The following CAMTA1 variants were observed in gnomAD, a reference collection of about 807,000 sequenced individuals.
CAMTA1 encodes the protein calmodulin binding transcription activator 1.
Under a neutral mutation model 170.9 loss-of-function variants are expected in CAMTA1, and 27 were observed. The observed-to-expected ratio is 0.16, with a 90% CI of 0.12 to 0.22. The LOEUF is 0.22. Among genes scored for constraint, CAMTA1 ranks in the 10% least tolerant of loss-of-function variants. The pLI, the probability that CAMTA1 is intolerant of heterozygous loss-of-function variation, is 1.00. For missense variants in CAMTA1, 1,619 were observed against 2,217.2 expected, an observed-to-expected ratio of 0.73 and a Z score of 5.42; for synonymous variants, 833 against 891.5, an observed-to-expected ratio of 0.93 and a Z score of 1.17.
intron 5 of CAMTA1, among the ~76,000 whole-genome samples, chr1:7,354,825 G>T (rs1471129131): frequency 6.6e-6 from 1 of 152,166 alleles, no homozygotes; most frequent in Non-Finnish European, 1.5e-5. Flanking sequence ...GAGTGATGGT[G>T]AGCATTTTTT....
At chr1:6,953,620 C>T (rs1688901052) in intron 3 of CAMTA1, among the ~76,000 whole-genome samples, 1 of 152,262 alleles carries the variant, frequency 6.6e-6, no homozygotes, top group Non-Finnish European at 1.5e-5. Context: ...CTTTTCTTAC[C>T]TCCTTGTCAC....
At chr1:6,853,107 T>G (rs1412265157) in intron 3 of CAMTA1, 1 of 152,210 alleles carries the variant, frequency 6.6e-6, no homozygotes, top group Non-Finnish European at 1.5e-5. Context: ...GAAAGATTGG[T>G]CTTTGGCAGA....
intron 11 of CAMTA1, among the ~76,000 whole-genome samples, chr1:7,697,960 G>A (rs1466578507): frequency 2.7e-4 from 41 of 151,950 alleles, no homozygotes; most frequent in Non-Finnish European, 1.5e-5. Flanking sequence ...CCGTGGGTTG[G>A]CCAAGCTCAC....
At chr1:7,487,661 G>A (rs968661839) in intron 6 of CAMTA1, among the ~76,000 whole-genome samples, 10 of 152,152 alleles carry the variant, frequency 6.6e-5, no homozygotes, top group South Asian at 4.1e-4. Flanking sequence ...CTCTGGTCCC[G>A]CACAGGGCCT....
chr1:7,706,873 A>G (rs886821261), intron 11 of CAMTA1, among the ~76,000 whole-genome samples: 18 of 139,908 alleles, frequency 1.3e-4, no homozygotes, highest in Admixed American at 7.7e-5. Flanking sequence ...CGGATGCATT[A>G]TTTCAGGCTA....
intron 4 of CAMTA1, among the ~76,000 whole-genome samples, chr1:7,117,482 A>T (rs74051127): frequency 6.6e-6 from 1 of 152,076 alleles, no homozygotes; most frequent in South Asian, 2.1e-4. Flanking sequence ...GGTGGGGAGA[A>T]GGGTTGCTAT....
rs561151201 is a variant in CAMTA1 at position 7,146,739 on chromosome 1, A to G, written c.302+55368A>G. ...GCGTATTGCACACACACAAACACAC[A>G]CTCAAACATAAACCATGCACACACA... On this transcript the variant is annotated intron_variant, in intron 4 of 22. Coordinates refer to ENST00000303635, the MANE Select transcript of CAMTA1 (RefSeq NM_015215.4). This position sits in a 1 kb window ranked among gnomAD's most constrained non-coding sequence, Gnocchi z 4.3. Among the ~76,000 whole-genome samples, 1 of 151,962 alleles carries G rather than the reference A, an allele frequency of 6.6e-6. No individual in the cohort carries two copies. The highest frequency in any genetic ancestry group is 1.5e-5 in the Non-Finnish European group (1 of 67,976).
intron 5 of CAMTA1, among the ~76,000 whole-genome samples, chr1:7,301,783 G>T (rs1470519152): frequency 6.6e-6 from 1 of 152,218 alleles, no homozygotes; most frequent in Non-Finnish European, 1.5e-5. Context: ...CTCGAGGGCA[G>T]CCTGGCCTCC....
intron 6 of CAMTA1, among the ~76,000 whole-genome samples, chr1:7,506,519 A>C (rs1055028707): frequency 1.3e-5 from 2 of 151,972 alleles, no homozygotes; most frequent in African/African-American, 4.8e-5. Flanking sequence ...AATTCACACT[A>C]ACATCTCATA....
chr1:7,089,727 C>G (rs747693266), intron 3 of CAMTA1, among the ~76,000 whole-genome samples: 1 of 152,110 alleles, frequency 6.6e-6, no homozygotes, highest in Non-Finnish European at 1.5e-5. Context: ...TCTGAGTAAA[C>G]AAGCAATTAG....
intron 4 of CAMTA1, among the ~76,000 whole-genome samples, chr1:7,136,843 C>T (rs1260788462): frequency 1.3e-5 from 2 of 152,190 alleles, no homozygotes; most frequent in Non-Finnish European, 2.9e-5. Context: ...TCCTGCTAAC[C>T]CCTTAAGGCT....
intron 4 of CAMTA1, among the ~76,000 whole-genome samples, chr1:7,218,951 T>C (rs1660238122): frequency 6.6e-6 from 1 of 152,178 alleles, no homozygotes; most frequent in African/African-American, 2.4e-5. Context: ...TATCATTACC[T>C]TGGCGACCTG....
chr1:6,899,775 A>C (rs1676531955), intron 3 of CAMTA1, among the ~76,000 whole-genome samples: 1 of 152,328 alleles, frequency 6.6e-6, no homozygotes, highest in African/African-American at 2.4e-5. Flanking sequence ...AATGGAAGAA[A>C]ATCACGTGGT....
In CAMTA1 at chr1:7,759,253, TCAG is replaced by T. The variant is rs1253197987; in HGVS notation, c.4989+3586_4989+3588del. On this transcript the variant is annotated intron_variant, in intron 22 of 22. Transcript: ENST00000303635. ...ACTAATACTGACCCAAACTCCTACGTCAGTGGAGCAGGGGGAGATCTAAAAAGG... is the reference window on the plus strand; with the variant it reads ...ACTAATACTGACCCAAACTCCTACGTTGGAGCAGGGGGAGATCTAAAAAGG... 2.2e-4 allele frequency among the ~76,000 whole-genome samples: 34 copies of T among 152,264 alleles called. No individual in the cohort carries two copies. In the East Asian group the frequency reaches 3.5e-3, roughly 16 times the overall value.
At chr1:7,459,765 CT>C (rs2093039941) in intron 5 of CAMTA1, among the ~76,000 whole-genome samples, 1 of 152,250 alleles carries the variant, frequency 6.6e-6, no homozygotes, top group Non-Finnish European at 1.5e-5. Context: ...AGAGACTTTC[CT>C]GCCTCTTGGG....
At chr1:6,811,853 A>G (rs1645203477) in intron 1 of CAMTA1, among the ~76,000 whole-genome samples, 1 of 152,126 alleles carries the variant, frequency 6.6e-6, no homozygotes, top group Non-Finnish European at 1.5e-5. Flanking sequence ...CGTCCACCTC[A>G]TTGCTCTGTT....
chr1:7,560,171 G>A (rs1402049123), intron 6 of CAMTA1, among the ~76,000 whole-genome samples: 1 of 152,240 alleles, frequency 6.6e-6, no homozygotes, highest in Non-Finnish European at 1.5e-5. Context: ...GTCCCGAAGG[G>A]GGAATGAGGG....
intron 4 of CAMTA1, among the ~76,000 whole-genome samples, chr1:7,192,388 G>A (rs1654701229): frequency 1.3e-5 from 2 of 152,250 alleles, no homozygotes; most frequent in South Asian, 4.1e-4. Flanking sequence ...CTGCGGAGGG[G>A]CAGAGCGGAG....
intron 4 of CAMTA1, among the ~76,000 whole-genome samples, chr1:7,148,300 T>C (rs756627218): frequency 2.0e-5 from 3 of 150,350 alleles, no homozygotes; most frequent in Non-Finnish European, 1.5e-5. Context: ...ATACACATAC[T>C]ACACAGTGAA....
Sources: allele counts gnomAD v4.1 joint callset (sites outside exome capture counted in the v4.1 genomes callset), GRCh38; gene constraint gnomAD v4.1.1; non-coding constraint Gnocchi (gnomAD v3.1); transcripts MANE v1.5; gene names NCBI Gene and HGNC (gene_info 2026-07-23, HGNC 2026-07-21).